Variants in DHPS observed in about 807,000 individuals in gnomAD.
DHPS encodes migration-inducing gene 13.
DHPS carries 24 observed loss-of-function variants against 38.7 expected under a neutral mutation model. The observed-to-expected ratio is 0.62, with a 90% CI of 0.45 to 0.87. DHPS has a LOEUF of 0.87. DHPS is among the 40% of genes least tolerant of loss of function. The probability of loss-of-function intolerance (pLI) is 0.00; values close to 1 mark genes in which losing one functional copy is unlikely to be tolerated. For missense variants in DHPS, 510 were observed against 497.6 expected, an observed-to-expected ratio of 1.02 and a Z score of -0.24; for synonymous variants, 250 against 204.4, an observed-to-expected ratio of 1.22 and a Z score of -1.90.
rs1208117313 is a variant in DHPS, at chr19:12,679,689, A to G, written c.525T>C (p.Asn175=). Residue 175 remains asparagine, a synonymous_variant, in exon 4 of 9, where the codon AAT becomes AAC. Coordinates refer to ENST00000210060, the MANE Select transcript of DHPS (RefSeq NM_001930.4). Reference sequence around the variant, plus strand: ...TCAGCCAGTCCTCAAACTTGCAGTAATTCTCATTGGGCACCAGCAGGTTTC... The same window carrying G: ...TCAGCCAGTCCTCAAACTTGCAGTAGTTCTCATTGGGCACCAGCAGGTTTC... ...RIGNLLVPNE[N]YCKFEDWLMP... 5.0e-6 allele frequency: 8 copies of G among 1,614,086 alleles called. No individual in the cohort carries two copies. The highest frequency in any genetic ancestry group is 1.6e-4 in the Middle Eastern group (1 of 6,084).
chr19:12,673,270 T>C, downstream of DHPS: 1 of 1,614,034 alleles, frequency 6.2e-7, no homozygotes. Flanking sequence ...ACACATGTGG[T>C]CAGCTGTTCT....
downstream of DHPS, chr19:12,673,259 C>T (rs754882978): frequency 4.3e-6 from 7 of 1,613,946 alleles, no homozygotes; most frequent in African/African-American, 1.3e-5. Flanking sequence ...GCGAGCGTGA[C>T]ACACATGTGG....
In DHPS at chr19:12,676,109, T is replaced by C; in HGVS notation, c.922A>G (p.Thr308Ala). ...NGADYAVYIN[T>A]AQEFDGSDSG... ...TCAGAGCCATCAAACTCCTGGGCTG[T>C]GTTGATGTAAACAGCGTAGTCGGCC... The change falls in exon 8 of 9, where the codon ACA (threonine) becomes GCA (alanine). Residue 308 changes from threonine to alanine, a missense_variant. Transcript: ENST00000210060. 1 of 1,613,606 alleles carries C rather than the reference T, an allele frequency of 6.2e-7. No individual in the cohort carries two copies. The highest frequency in any genetic ancestry group is 2.2e-5 in the East Asian group (1 of 44,882).
Position 12,681,833 on chromosome 19 carries a change from T to C in DHPS, c.-67A>G, listed in dbSNP as rs1599387417. The C allele has an allele frequency of 7.1e-7, 1 of 1,417,446 alleles. No homozygotes were observed. Among genetic ancestry groups the C allele is most frequent in the Admixed American group, 1.9e-5 (1 of 52,756 alleles). The allele number at this position is 1,417,446 out of a possible 1,614,324, so 87.8% of individuals were successfully genotyped here. A position where few individuals can be genotyped will look rare whatever the true frequency, so the allele number is the denominator to read the frequency against. ...GGGCTTACGGCGGCCCAGAAACGCG[T>C]TAAACCCCGACGCGCGCGTCTCCGC... On this transcript the variant is annotated 5_prime_UTR_variant, in exon 1 of 9. Transcript: ENST00000210060.
At chr19:12,673,111 G>A (rs2024471320), downstream of DHPS, 5 of 1,612,584 alleles carry the variant, frequency 3.1e-6, no homozygotes, top group African/African-American at 2.7e-5. Context: ...GGGAGCTGCT[G>A]GGCGAGTGAG....
At chr19:12,676,900 T>A (rs1417064585) in intron 7 of DHPS, 1 of 582,232 alleles carries the variant, frequency 1.7e-6, no homozygotes, top group Non-Finnish European at 3.1e-6. Context: ...AGCACCCCTT[T>A]CTCTTCTCAT....
intron 5 of DHPS, among the ~76,000 whole-genome samples, chr19:12,678,802 CTTTT>C (rs745590908): frequency 4.7e-5 from 5 of 106,954 alleles, no homozygotes; most frequent in East Asian, 6.0e-4. Flanking sequence ...GACTATGTAG[CTTTT>C]TTTTTTTTTT....
At chr19:12,675,444 G>GA, downstream of DHPS, 3 of 1,551,016 alleles carry the variant, frequency 1.9e-6, no homozygotes, top group Non-Finnish European at 2.6e-6. Flanking sequence ...GCAGGACTGA[G>GA]ATGGGGGGTG....
rs2024729170 is a variant in DHPS at position 12,679,556 on chromosome 19, G to A, written c.592-13C>T. ...TCCACTTTACACCCTAGGAGAGGAT[G>A]TGACCTTCAGGCCATGCCTCCCCTG... On this transcript the variant is annotated splice_polypyrimidine_tract_variant and intron_variant, in intron 4 of 8. Coordinates refer to ENST00000210060, the MANE Select transcript of DHPS (RefSeq NM_001930.4). 1.2e-6 allele frequency: 2 copies of A among 1,614,130 alleles called. No homozygotes were observed. The highest frequency in any genetic ancestry group is 1.7e-6 in the Non-Finnish European group (2 of 1,179,994).
At position 12,677,749 on chromosome 19, in the gene DHPS, C is replaced by T. The variant is rs547826745; in HGVS notation, c.679-353G>A. Among the ~76,000 whole-genome samples, 328 of 152,202 alleles carry T rather than the reference C, an allele frequency of 2.2e-3. 1 individual carries two copies. The highest frequency in any genetic ancestry group is 7.6e-3 in the African/African-American group (316 of 41,552). On this transcript the variant is annotated intron_variant, in intron 5 of 8. Transcript: ENST00000210060. ...CTCCTGGGTTCCAGTGATTCTCCTG[C>T]TTCAGCCTCCCGAGTAGCTAGGATT...
In DHPS at chr19:12,675,844, C is replaced by T; in HGVS notation, c.1104G>A (p.Glu368=). 1 of 1,600,870 alleles carries T rather than the reference C, an allele frequency of 6.2e-7. No individual in the cohort carries two copies. The highest frequency in any genetic ancestry group is 8.5e-7 in the Non-Finnish European group (1 of 1,173,452). ...KMDAFMHEKN[E]D ...TTCCTGGGACCGCAGCCGCTCAGTC[C>T]TCGTTCTTCTCATGCATGAAGGCAT... The change falls in exon 9 of 9, where the codon GAG becomes GAA. Residue 368 remains glutamate (E), a synonymous_variant. Coordinates refer to ENST00000210060, the MANE Select transcript of DHPS (RefSeq NM_001930.4).
At chr19:12,676,200 G>A in intron 7 of DHPS, 58 bp from the exon 8 acceptor site, 1 of 1,060,716 alleles carries the variant, frequency 9.4e-7, no homozygotes. Flanking sequence ...GACAGACACA[G>A]AGGGAGGACA....
At chr19:12,676,314 G>T in intron 7 of DHPS, 172 bp from the exon 8 acceptor site, 1 of 827,856 alleles carries the variant, frequency 1.2e-6, no homozygotes, top group Non-Finnish European at 1.8e-6. Flanking sequence ...CACTAGAGCT[G>T]CTGGGCAACG....
chr19:12,672,787 G>T (rs2024459932), downstream of DHPS: 14 of 1,528,132 alleles, frequency 9.2e-6, no homozygotes, highest in Non-Finnish European at 1.2e-5. Flanking sequence ...GAAGGCACAG[G>T]GCTGCCTGGA....
chr19:12,681,404 A>G, intron 1 of DHPS, 156 bp downstream of exon 1: 1 of 1,066,866 alleles, frequency 9.4e-7, no homozygotes, highest in Non-Finnish European at 1.3e-6. Flanking sequence ...CAGGACAGAA[A>G]CTCCCGCCCA....
chr19:12,673,460 C>T, downstream of DHPS: 2 of 623,224 alleles, frequency 3.2e-6, no homozygotes, highest in Non-Finnish European at 2.7e-6. Flanking sequence ...CTCTGTCGCC[C>T]AGGCTAGAGT....
downstream of DHPS, among the ~76,000 whole-genome samples, chr19:12,674,754 GC>G (rs1372889484): frequency 6.6e-6 from 1 of 152,136 alleles, no homozygotes; most frequent in African/African-American, 2.4e-5. Context: ...CAGAAAATCA[GC>G]AGTCTCTGGA....
rs534407611 is a variant in DHPS, at chr19:12,675,941, G to A, written c.1015-8C>T. 3 of 1,603,276 alleles carry A rather than the reference G, an allele frequency of 1.9e-6. No individual in the cohort carries two copies. Among genetic ancestry groups the A allele is most frequent in the South Asian group, 2.2e-5 (2 of 89,880 alleles). ...GGAGGCGTCAGCATAGACCTGGGTA[G>A]GGGGGAACCTGGGTAAGCCATGGGA... On this transcript the variant is annotated splice_polypyrimidine_tract_variant and splice_region_variant and intron_variant, in intron 8 of 8. Coordinates refer to ENST00000210060, the MANE Select transcript of DHPS (RefSeq NM_001930.4).
intron 5 of DHPS, 80 bp downstream of exon 5, chr19:12,679,377 G>A: frequency 7.7e-7 from 1 of 1,304,184 alleles, no homozygotes; most frequent in Non-Finnish European, 1.1e-6. Context: ...TAACAGTACT[G>A]AATCCCCAGG....
Sources: gnomAD v4.1 joint callset for allele counts (sites outside exome capture counted in the v4.1 genomes callset) on GRCh38, gnomAD v4.1.1 for gene constraint, MANE v1.5 for transcripts, NCBI Gene and HGNC (gene_info 2026-07-23, HGNC 2026-07-21) for gene names.